Variants in CCSER1 observed in about 807,000 individuals in gnomAD.
CCSER1 encodes serine-rich coiled-coil domain-containing protein 1.
In CCSER1, 41 loss-of-function variants were observed where a neutral mutation model predicts 82.0. The observed-to-expected ratio is 0.50, with a 90% CI of 0.39 to 0.65. The LOEUF is 0.65. Ranked by LOEUF, CCSER1 falls within the 30% of genes least tolerant of loss-of-function variation. The pLI is 0.00. For synonymous variants in CCSER1, 414 were observed against 383.9 expected (o/e 1.08, Z -0.92); for missense variants, 1,119 against 1,064.2 (o/e 1.05, Z -0.72).
At chr4:91,042,975 C>G (rs7655293) in intron 9 of CCSER1, among the ~76,000 whole-genome samples, 9,248 of 152,158 alleles carry the variant, frequency 0.061, 349 homozygotes, top group African/African-American at 0.099. Context: ...TGCCTACATT[C>G]AGCCACCCCC....
chr4:91,508,162 G>GTTTTTTTTTTTTTTTTTTTTTGTTT (rs139066436), intron 10 of CCSER1, among the ~76,000 whole-genome samples: 1 of 97,654 alleles, frequency 1.0e-5, no homozygotes, highest in African/African-American at 4.0e-5. Flanking sequence ...TTTTTTCTGG[G>GTTTTTTTTTTTTTTTTTTTTTGTTT]TTTTTTTTTT....
At position 90,835,093 on chromosome 4, in the gene CCSER1, A is replaced by G. The variant is rs543682985; in HGVS notation, c.2094+19248A>G. Among the ~76,000 whole-genome samples, 13 of 152,158 alleles carry G rather than the reference A, an allele frequency of 8.5e-5. No homozygotes were observed. The East Asian group carries it at 1.9e-3, about 23-fold the overall frequency. On this transcript the variant is annotated intron_variant, in intron 8 of 10. Transcript: ENST00000509176. ...CACGCCTTAATCCCAGCACTTTGGG[A>G]GGCCGAGGCGGATGGATCACGAGGT...
chr4:90,490,385 T>C (rs1057458493), intron 5 of CCSER1, among the ~76,000 whole-genome samples: 1 of 152,220 alleles, frequency 6.6e-6, no homozygotes, highest in Non-Finnish European at 1.5e-5. Flanking sequence ...TTTTTTCTTG[T>C]AAATTTGTTT....
intron 5 of CCSER1, among the ~76,000 whole-genome samples, chr4:90,585,182 C>A (rs1579305091): frequency 1.3e-5 from 2 of 152,230 alleles, no homozygotes; most frequent in Admixed American, 6.5e-5. Flanking sequence ...TGAAATATTA[C>A]TATGAAGCCA....
At chr4:90,800,982 GA>G (rs67127221) in intron 7 of CCSER1, among the ~76,000 whole-genome samples, 3 of 66,408 alleles carry the variant, frequency 4.5e-5, no homozygotes, top group Non-Finnish European at 9.4e-5. Flanking sequence ...CTGTATAATC[GA>G]AAAAAATCAG....
chr4:91,469,748 C>G (rs973865370), intron 10 of CCSER1, among the ~76,000 whole-genome samples: 1 of 152,098 alleles, frequency 6.6e-6, no homozygotes, highest in Non-Finnish European at 1.5e-5. Flanking sequence ...ATCTATGATA[C>G]TTATTAATAA....
chr4:90,509,503 A>C (rs1771181186), intron 5 of CCSER1, among the ~76,000 whole-genome samples: 1 of 152,162 alleles, frequency 6.6e-6, no homozygotes, highest in South Asian at 2.1e-4. Context: ...CTACCACTAC[A>C]ATTGCAATCA....
intron 10 of CCSER1, among the ~76,000 whole-genome samples, chr4:91,507,631 G>C (rs899432046): frequency 4.0e-5 from 6 of 151,538 alleles, no homozygotes; most frequent in African/African-American, 1.5e-4. Flanking sequence ...TAAGTGGTGG[G>C]TGTACTTAGT....
In CCSER1 at chr4:91,095,248, G is replaced by A. The variant is rs75787709; in HGVS notation, c.2217+9254G>A. On this transcript the variant is annotated intron_variant, in intron 10 of 10. Transcript: ENST00000509176. ...TCGTCTTTATCTGTGGTCTTTTGCT[G>A]TGCGTCACCTTGCTTCTCCTTTAGT... Among the ~76,000 whole-genome samples, 1,181 of 152,266 alleles carry A rather than the reference G, an allele frequency of 7.8e-3. 11 individuals carry two copies. The highest frequency in any genetic ancestry group is 0.026 in the African/African-American group (1,090 of 41,558).
chr4:90,757,209 C>G (rs1749673152), intron 7 of CCSER1, among the ~76,000 whole-genome samples: 1 of 152,104 alleles, frequency 6.6e-6, no homozygotes, highest in Admixed American at 6.5e-5. Flanking sequence ...AGGCAAAACC[C>G]CATTCTATAA....
intron 8 of CCSER1, among the ~76,000 whole-genome samples, chr4:90,916,002 A>G (rs922653646): frequency 6.6e-5 from 10 of 152,308 alleles, no homozygotes; most frequent in East Asian, 5.8e-4. Context: ...CCACTGCTCA[A>G]TGAAATAAAA....
At chr4:91,345,213 G>T (rs532058218) in intron 10 of CCSER1, among the ~76,000 whole-genome samples, 1 of 152,206 alleles carries the variant, frequency 6.6e-6, no homozygotes, top group African/African-American at 2.4e-5. Flanking sequence ...CCAATATGAC[G>T]AAACCCTGTC....
intron 1 of CCSER1, among the ~76,000 whole-genome samples, chr4:90,187,243 T>TA (rs1336088335): frequency 6.6e-6 from 1 of 151,928 alleles, no homozygotes; most frequent in Non-Finnish European, 1.5e-5. Context: ...TTGGTGTGAT[T>TA]AAAAAACACT....
chr4:90,382,491 T>A (rs1257978658), intron 3 of CCSER1, among the ~76,000 whole-genome samples: 3 of 152,096 alleles, frequency 2.0e-5, no homozygotes, highest in Non-Finnish European at 4.4e-5. Context: ...TGTATATTAA[T>A]ATTGCTGAAA....
At chr4:90,562,564 G>A (rs1242625546) in intron 5 of CCSER1, among the ~76,000 whole-genome samples, 4 of 151,936 alleles carry the variant, frequency 2.6e-5, no homozygotes, top group Non-Finnish European at 5.9e-5. Flanking sequence ...TTGTGACAGA[G>A]TCTCACTCTG....
At chr4:90,280,845 A>G (rs578187320) in intron 1 of CCSER1, among the ~76,000 whole-genome samples, 14 of 151,982 alleles carry the variant, frequency 9.2e-5, no homozygotes, top group Non-Finnish European at 1.8e-4. Context: ...ACTTCCAATA[A>G]TAGAGTCGTA....
chr4:90,945,520 G>A (rs1285963170), intron 9 of CCSER1, among the ~76,000 whole-genome samples: 3 of 152,088 alleles, frequency 2.0e-5, no homozygotes, highest in Non-Finnish European at 4.4e-5. Context: ...TACTTGGTGT[G>A]TATCAGAAAT....
intron 10 of CCSER1, among the ~76,000 whole-genome samples, chr4:91,341,862 T>G (rs1037244178): frequency 2.6e-5 from 4 of 152,234 alleles, no homozygotes; most frequent in African/African-American, 9.6e-5. Flanking sequence ...AGTTATTTAG[T>G]GCATTTCTTT....
In CCSER1 at chr4:91,458,328, TA is replaced by T. The variant is rs1389227060; in HGVS notation, c.2218-140241del. Reference sequence around the variant, plus strand: ...TCCTTTGTTGAAAATGAGTTGGCTGTAAATATGTGGATTTCTCTCTGGGTTC... The same window carrying T: ...TCCTTTGTTGAAAATGAGTTGGCTGTAATATGTGGATTTCTCTCTGGGTTC... On this transcript the variant is annotated intron_variant, in intron 10 of 10. Transcript: ENST00000509176. 2.6e-5 allele frequency among the ~76,000 whole-genome samples: 4 copies of T among 152,184 alleles called. No homozygotes were observed. In the East Asian group the frequency reaches 7.7e-4, roughly 29 times the overall value.
Sources: gnomAD v4.1 joint callset for allele counts (sites outside exome capture counted in the v4.1 genomes callset) on GRCh38, gnomAD v4.1.1 for gene constraint, MANE v1.5 for transcripts, NCBI Gene and HGNC (gene_info 2026-07-23, HGNC 2026-07-21) for gene names.